The following KCNH8 variants were observed in gnomAD, a reference collection of about 807,000 sequenced individuals.
The protein encoded by KCNH8 is voltage-gated delayed rectifier potassium channel KCNH8.
A neutral mutation model predicts 103.6 loss-of-function variants in KCNH8; 70 were observed. The ratio of observed to expected loss-of-function variants is 0.68; its 90% CI spans 0.56 to 0.82. The LOEUF is 0.82. Ranked by LOEUF, KCNH8 falls within the 40% of genes least tolerant of loss-of-function variation. The pLI is 0.00. For missense variants in KCNH8, 1,217 were observed against 1,329.9 expected, an observed-to-expected ratio of 0.92 and a Z score of 1.32; for synonymous variants, 498 against 489.4, an observed-to-expected ratio of 1.02 and a Z score of -0.23.
At chr3:19,335,985 A>G (rs914796697) in intron 3 of KCNH8, among the ~76,000 whole-genome samples, 2 of 151,668 alleles carry the variant, frequency 1.3e-5, no homozygotes. Context: ...CACCTTTTAG[A>G]AAAAAATGTT....
chr3:19,306,353 G>C (rs1399149396), intron 3 of KCNH8, among the ~76,000 whole-genome samples: 1 of 151,930 alleles, frequency 6.6e-6, no homozygotes, highest in African/African-American at 2.4e-5. Context: ...ATCATATTAG[G>C]AAAAAACAAC....
intron 1 of KCNH8, among the ~76,000 whole-genome samples, chr3:19,249,580 A>G (rs2064250028): frequency 6.6e-6 from 1 of 152,212 alleles, no homozygotes; most frequent in African/African-American, 2.4e-5. Flanking sequence ...TTTTGTCAAA[A>G]GTTTATTGTA....
chr3:19,483,354 A>G (rs956576817), intron 11 of KCNH8, among the ~76,000 whole-genome samples: 19 of 152,102 alleles, frequency 1.2e-4, no homozygotes, highest in African/African-American at 4.6e-4. Context: ...TGTTACCACT[A>G]TACAGTTTCT....
At chr3:19,511,148 C>T (rs892821336) in intron 12 of KCNH8, among the ~76,000 whole-genome samples, 7 of 151,616 alleles carry the variant, frequency 4.6e-5, no homozygotes, top group Admixed American at 4.0e-4. Context: ...TCCCCTAGCC[C>T]CCCACCCCCC....
intron 3 of KCNH8, among the ~76,000 whole-genome samples, chr3:19,320,518 G>A (rs2065335908): frequency 6.6e-6 from 1 of 151,832 alleles, no homozygotes; most frequent in Admixed American, 6.6e-5. Context: ...CTACATTACT[G>A]GTATGAAACC....
In KCNH8 at chr3:19,534,240, G is replaced by A; in HGVS notation, c.*141G>A. On this transcript the variant is annotated 3_prime_UTR_variant, in exon 16 of 16. Coordinates refer to ENST00000328405, the MANE Select transcript of KCNH8 (RefSeq NM_144633.3). ...AAAGAGTGTGAGGAGCCAGGGAAAG[G>A]CAGAACCACCTCCATGCTGTAGCAA... 1 of 636,774 alleles carries A rather than the reference G, an allele frequency of 1.6e-6. No homozygotes were observed. The highest frequency in any genetic ancestry group is 2.7e-6 in the Non-Finnish European group (1 of 366,424). The allele number at this position is 636,774 out of a possible 1,614,324, so 39.4% of individuals were successfully genotyped here.
intron 5 of KCNH8, among the ~76,000 whole-genome samples, chr3:19,354,683 G>A: frequency 6.6e-6 from 1 of 152,154 alleles, no homozygotes; most frequent in Admixed American, 6.6e-5. Context: ...GCAATATGTA[G>A]AAAGCTGAAA....
intron 1 of KCNH8, among the ~76,000 whole-genome samples, chr3:19,212,512 C>T (rs151129750): frequency 4.6e-5 from 7 of 152,272 alleles, no homozygotes; most frequent in African/African-American, 1.7e-4. Context: ...ATTTACTTGG[C>T]CATTTACTGA....
chr3:19,494,787 C>T (rs1055258350), intron 11 of KCNH8, among the ~76,000 whole-genome samples: 1 of 152,146 alleles, frequency 6.6e-6, no homozygotes, highest in African/African-American at 2.4e-5. Flanking sequence ...CACTTCTTTC[C>T]ATAATAGTTG....
At chr3:19,213,978 C>G (rs2063794687) in intron 1 of KCNH8, among the ~76,000 whole-genome samples, 1 of 152,160 alleles carries the variant, frequency 6.6e-6, no homozygotes, top group Non-Finnish European at 1.5e-5. Context: ...ATGGCTAGCA[C>G]CCACTGAAGT....
intron 3 of KCNH8, among the ~76,000 whole-genome samples, chr3:19,289,541 T>A (rs1017995719): frequency 1.3e-5 from 2 of 152,178 alleles, no homozygotes; most frequent in Non-Finnish European, 2.9e-5. Context: ...GTTGTAGATA[T>A]GCAGCATTAT....
chr3:19,283,074 T>C (rs1172389597), intron 3 of KCNH8, among the ~76,000 whole-genome samples: 1 of 152,142 alleles, frequency 6.6e-6, no homozygotes, highest in African/African-American at 2.4e-5. Flanking sequence ...GGGGTCATCC[T>C]ATACATGTCC....
intron 2 of KCNH8, among the ~76,000 whole-genome samples, chr3:19,259,674 G>A (rs929211750): frequency 6.6e-6 from 1 of 151,346 alleles, no homozygotes; most frequent in Non-Finnish European, 1.5e-5. Flanking sequence ...GCCCCAAAAA[G>A]CCCAATTCTT....
chr3:19,324,836 G>C (rs78785867), intron 3 of KCNH8, among the ~76,000 whole-genome samples: 3 of 151,678 alleles, frequency 2.0e-5, no homozygotes, highest in African/African-American at 7.3e-5. Context: ...AAAAAAAAAT[G>C]TTTTAAAATT....
At chr3:19,504,049 C>T (rs2068645064) in intron 11 of KCNH8, among the ~76,000 whole-genome samples, 1 of 152,096 alleles carries the variant, frequency 6.6e-6, no homozygotes, top group African/African-American at 2.4e-5. Context: ...ACATCTACAA[C>T]CATCTGATCT....
intron 3 of KCNH8, among the ~76,000 whole-genome samples, chr3:19,288,727 A>C (rs373424622): frequency 6.6e-6 from 1 of 152,128 alleles, no homozygotes; most frequent in East Asian, 1.9e-4. Flanking sequence ...ATGATTTATA[A>C]TCCTTTGGTT....
chr3:19,347,996 T>A lies in KCNH8; in HGVS notation c.811+31T>A, dbSNP rs758523136. On this transcript the variant is annotated intron_variant, in intron 5 of 15. Transcript: ENST00000328405. ...AACAAACAGCTGCTTTCCTACGATA[T>A]TTGCATATGAGAAGTGAAGTGTGTT... 13 of 1,605,012 alleles carry A rather than the reference T, an allele frequency of 8.1e-6. No individual in the cohort carries two copies. In the South Asian group the frequency reaches 1.3e-4, roughly 16 times the overall value.
At chr3:19,327,043 T>C (rs1466470972) in intron 3 of KCNH8, among the ~76,000 whole-genome samples, 1 of 152,160 alleles carries the variant, frequency 6.6e-6, no homozygotes, top group Non-Finnish European at 1.5e-5. Context: ...TCTCTCTGTC[T>C]TGCTTTCTCT....
intron 11 of KCNH8, among the ~76,000 whole-genome samples, chr3:19,460,083 T>C (rs1304729632): frequency 6.6e-6 from 1 of 152,104 alleles, no homozygotes; most frequent in Non-Finnish European, 1.5e-5. Context: ...GTTCATGTCA[T>C]TTTCCTCAAA....
Sources: allele counts gnomAD v4.1 joint callset (sites outside exome capture counted in the v4.1 genomes callset), GRCh38; gene constraint gnomAD v4.1.1; transcripts MANE v1.5; gene names NCBI Gene and HGNC (gene_info 2026-07-23, HGNC 2026-07-21).